The following STAM2 variants were observed in gnomAD, a reference collection of about 807,000 sequenced individuals.
The protein encoded by STAM2 is signal transducing adapter molecule 2.
STAM2 carries 51 observed loss-of-function variants against 65.6 expected under a neutral mutation model. That is an observed-to-expected ratio of 0.78 (90% CI 0.62 to 0.98). The LOEUF (loss-of-function observed/expected upper bound fraction) is 0.98, where lower values mean the gene tolerates loss of function less well. Among genes scored for constraint, STAM2 ranks in the 50% least tolerant of loss-of-function variants. The probability of loss-of-function intolerance (pLI) is 0.00; values close to 1 mark genes in which losing one functional copy is unlikely to be tolerated. For missense variants in STAM2, 584 were observed against 617.8 expected (o/e 0.95, Z 0.58); for synonymous variants, 198 against 208.4 (o/e 0.95, Z 0.43).
chr2:152,163,251 A>C (rs192371431), intron 1 of STAM2, among the ~76,000 whole-genome samples: 2,316 of 152,350 alleles, frequency 0.015, 23 homozygotes, highest in Non-Finnish European at 0.023. Flanking sequence ...ATCAGCTCCC[A>C]AAATTAATAC....
chr2:152,132,348 A>C (rs1420458823), intron 10 of STAM2, among the ~76,000 whole-genome samples, 180 bp from the exon 11 acceptor site: 1 of 152,224 alleles, frequency 6.6e-6, no homozygotes, highest in Non-Finnish European at 1.5e-5. Flanking sequence ...TGTGACTAAA[A>C]GCAAGGTCAA....
chr2:152,166,834 G>C (rs1689796514), intron 1 of STAM2, among the ~76,000 whole-genome samples: 1 of 152,160 alleles, frequency 6.6e-6, no homozygotes, highest in African/African-American at 2.4e-5. Flanking sequence ...AAAAGCTGCT[G>C]CTCCAGATAA....
chr2:152,135,907 T>C (rs185988041), intron 7 of STAM2, among the ~76,000 whole-genome samples: 1 of 151,842 alleles, frequency 6.6e-6, no homozygotes, highest in African/African-American at 2.4e-5. Flanking sequence ...CTGTCCAACA[T>C]GGTGAAACCT....
intron 7 of STAM2, among the ~76,000 whole-genome samples, chr2:152,142,711 G>A (rs920052610): frequency 6.6e-6 from 1 of 152,174 alleles, no homozygotes; most frequent in Non-Finnish European, 1.5e-5. Flanking sequence ...TATAAGTTGA[G>A]AAACATCTGT....
Position 152,147,306 on chromosome 2 carries a change from T to C in STAM2, c.303A>G (p.Ala101=). The change falls in exon 5 of 14, where the codon GCA becomes GCG. Residue 101 remains alanine (A), a splice_region_variant and synonymous_variant. Transcript: ENST00000263904. ...TCAGTTTTTCACATACTTTAGGATGTGCCTTTTAAGGAAAAGGAAAGGAAA... is the reference window on the plus strand; with the variant it reads ...TCAGTTTTTCACATACTTTAGGATGCGCCTTTTAAGGAAAAGGAAAGGAAA... ...TEVRAVIKNK[A]HPKVCEKLKS... 1 of 1,540,342 alleles carries C rather than the reference T, an allele frequency of 6.5e-7. No individual in the cohort carries two copies. Among genetic ancestry groups the C allele is most frequent in the Non-Finnish European group, 8.7e-7 (1 of 1,151,116 alleles).
chr2:152,156,095 G>C (rs563450051), intron 1 of STAM2, among the ~76,000 whole-genome samples: 43 of 152,154 alleles, frequency 2.8e-4, no homozygotes, highest in African/African-American at 1.0e-3. Context: ...TTCCAATTCT[G>C]GTCATGTAAT....
At chr2:152,120,859 A>G (rs1688840390) in intron 13 of STAM2, 57 bp from the exon 14 acceptor site, 5 of 1,358,580 alleles carry the variant, frequency 3.7e-6, no homozygotes, top group Middle Eastern at 1.8e-4. Context: ...ATAAGGTTAG[A>G]GATCAATCAT....
intron 12 of STAM2, chr2:152,124,188 T>C (rs564202072): frequency 1.2e-4 from 50 of 423,752 alleles, no homozygotes; most frequent in Non-Finnish European, 1.7e-4. Flanking sequence ...TGGTGTACTT[T>C]TAAGTAGTGG....
intron 1 of STAM2, among the ~76,000 whole-genome samples, chr2:152,168,352 G>T (rs1689833737): frequency 6.6e-6 from 1 of 152,038 alleles, no homozygotes; most frequent in African/African-American, 2.4e-5. Flanking sequence ...TAAAGATGGG[G>T]TGTCACCATG....
chr2:152,144,885 T>C lies in STAM2; in HGVS notation c.517+3A>G, dbSNP rs753608303. ...ACTAAATTACATGTGCTTGATCATT[T>C]ACCTTTAGCTATGTCTTCATCCTCT... On this transcript the variant is annotated splice_donor_region_variant and intron_variant, in intron 6 of 13. Transcript: ENST00000263904. 1 of 1,613,128 alleles carries C rather than the reference T, an allele frequency of 6.2e-7. No individual in the cohort carries two copies. The highest frequency in any genetic ancestry group is 8.5e-7 in the Non-Finnish European group (1 of 1,179,072).
chr2:152,130,933 T>C (rs960915505), intron 11 of STAM2, among the ~76,000 whole-genome samples: 8 of 146,446 alleles, frequency 5.5e-5, no homozygotes, highest in African/African-American at 2.0e-4. Flanking sequence ...GAGGTGGAGG[T>C]TGCAGTGAGC....
intron 6 of STAM2, chr2:152,144,673 G>C (rs1415306331): frequency 9.5e-6 from 4 of 419,592 alleles, no homozygotes; most frequent in African/African-American, 2.0e-5. Flanking sequence ...CGAGTAGTTG[G>C]GACTACAGGC....
chr2:152,120,917 T>G, intron 13 of STAM2, 115 bp from the exon 14 acceptor site: 1 of 709,790 alleles, frequency 1.4e-6, no homozygotes, highest in Non-Finnish European at 2.4e-6. Flanking sequence ...TACGTAGCTC[T>G]GCTGTTCTGA....
chr2:152,144,149 A>C, intron 6 of STAM2, 136 bp from the exon 7 acceptor site: 2 of 383,996 alleles, frequency 5.2e-6, no homozygotes, highest in Non-Finnish European at 9.8e-6. Context: ...AACTTTCGGG[A>C]GGGTGGGGCA....
chr2:152,170,317 A>G (rs953815158), intron 1 of STAM2, among the ~76,000 whole-genome samples: 12 of 151,636 alleles, frequency 7.9e-5, no homozygotes, highest in Non-Finnish European at 1.2e-4. Context: ...CGTCTCTACT[A>G]AAAATACAAA....
intron 1 of STAM2, 71 bp downstream of exon 1, chr2:152,175,532 C>G: frequency 6.3e-7 from 1 of 1,595,082 alleles, no homozygotes; most frequent in Non-Finnish European, 8.6e-7. Flanking sequence ...CGCTACCGCC[C>G]ACTTTCTAGC....
intron 1 of STAM2, among the ~76,000 whole-genome samples, chr2:152,175,008 G>A (rs1344715675): frequency 6.6e-6 from 1 of 152,090 alleles, no homozygotes; most frequent in African/African-American, 2.4e-5. Flanking sequence ...CTCTAAAACC[G>A]AACATCTCCT....
chr2:152,138,153 A>G (rs1478544913), intron 7 of STAM2, among the ~76,000 whole-genome samples: 3 of 152,322 alleles, frequency 2.0e-5, no homozygotes, highest in East Asian at 3.9e-4. Context: ...ATGCAATAAT[A>G]TAAGAAAAAA....
Position 152,160,639 on chromosome 2 carries a change from C to T in STAM2, c.41-10410G>A, listed in dbSNP as rs903933175. On this transcript the variant is annotated intron_variant, in intron 1 of 13. Transcript: ENST00000263904. ...CCCCACCCAGGCCAGCCGCCCCGTC[C>T]GGGAGGGCGGTGGGGGTCAGCCCCC... Among the ~76,000 whole-genome samples the T allele has an allele frequency of 5.3e-5, 8 of 150,430 alleles. No individual in the cohort carries two copies. In the East Asian group the frequency reaches 1.0e-3, roughly 19 times the overall value.
Sources: allele counts gnomAD v4.1 joint callset (sites outside exome capture counted in the v4.1 genomes callset), GRCh38; gene constraint gnomAD v4.1.1; transcripts MANE v1.5; gene names NCBI Gene and HGNC (gene_info 2026-07-23, HGNC 2026-07-21).